The following STIM1 variants were observed in gnomAD, a reference collection of about 807,000 sequenced individuals.
STIM1 encodes the protein stromal interaction molecule 1.
Under a neutral mutation model 74.7 loss-of-function variants are expected in STIM1, and 25 were observed. The observed-to-expected ratio is 0.33, with a 90% CI of 0.24 to 0.47. The LOEUF is 0.47. Among genes scored for constraint, STIM1 ranks in the 20% least tolerant of loss-of-function variants. The probability of loss-of-function intolerance (pLI) is 1.00; values close to 1 mark genes in which losing one functional copy is unlikely to be tolerated. For missense variants in STIM1, 728 were observed against 920.8 expected (o/e 0.79, Z 2.71); for synonymous variants, 328 against 348.8 (o/e 0.94, Z 0.66).
intron 2 of STIM1, among the ~76,000 whole-genome samples, chr11:4,021,469 G>T (rs1050650662): frequency 6.6e-6 from 1 of 152,142 alleles, no homozygotes; most frequent in African/African-American, 2.4e-5. Context: ...CTCAGTGTTT[G>T]TTCATGCATT....
chr11:4,014,480 A>G (rs2093875536), intron 2 of STIM1, among the ~76,000 whole-genome samples: 1 of 152,222 alleles, frequency 6.6e-6, no homozygotes, highest in Non-Finnish European at 1.5e-5. Context: ...GTATGTGGTC[A>G]ATTTTAGAAT....
chr11:3,895,642 C>CTT (rs2092056139), intron 1 of STIM1, among the ~76,000 whole-genome samples: 1 of 9,006 alleles, frequency 1.1e-4, no homozygotes. Context: ...TTCTTTCTTT[C>CTT]TTTCTTTCTT....
At chr11:3,872,798 G>A (rs544903748) in intron 1 of STIM1, among the ~76,000 whole-genome samples, 1 of 152,040 alleles carries the variant, frequency 6.6e-6, no homozygotes, top group African/African-American at 2.4e-5. Context: ...TAGGATTACA[G>A]GCGTGAGCCA....
intron 2 of STIM1, among the ~76,000 whole-genome samples, chr11:3,971,193 TAGTG>T (rs2093389250): frequency 6.9e-6 from 1 of 144,674 alleles, no homozygotes; most frequent in Non-Finnish European, 1.5e-5. Context: ...CTAGTCAACA[TAGTG>T]AGACCTTGTC....
intron 2 of STIM1, among the ~76,000 whole-genome samples, chr11:4,021,133 A>ATGG (rs71466145): frequency 8.6e-5 from 13 of 151,308 alleles, no homozygotes; most frequent in South Asian, 4.2e-4. Context: ...TTTGTTGCCT[A>ATGG]TGGTGGTGGT....
intron 2 of STIM1, among the ~76,000 whole-genome samples, chr11:3,970,286 C>T (rs2093379972): frequency 6.6e-6 from 1 of 152,188 alleles, no homozygotes; most frequent in South Asian, 2.1e-4. Flanking sequence ...GTTTCCACTG[C>T]TCTCCCTGCA....
At chr11:3,956,376 A>G (rs570074024) in intron 1 of STIM1, among the ~76,000 whole-genome samples, 6 of 152,150 alleles carry the variant, frequency 3.9e-5, no homozygotes, top group Admixed American at 3.9e-4. Context: ...AAGGCTTCTG[A>G]CATAAGCACC....
At chr11:4,067,883 A>C (rs971294518) in intron 5 of STIM1, among the ~76,000 whole-genome samples, 1 of 152,208 alleles carries the variant, frequency 6.6e-6, no homozygotes, top group South Asian at 2.1e-4. Context: ...GGTTGATGTT[A>C]TGCTGTGCAC....
At chr11:3,857,108 GTT>G (rs34961672) in intron 1 of STIM1, among the ~76,000 whole-genome samples, 1 of 104,038 alleles carries the variant, frequency 9.6e-6, no homozygotes, top group African/African-American at 3.4e-5. Flanking sequence ...TTTTTTTTTT[GTT>G]TTTTTTTTTT....
chr11:4,045,492 C>T (rs1332159805), intron 3 of STIM1, among the ~76,000 whole-genome samples: 1 of 151,912 alleles, frequency 6.6e-6, no homozygotes, highest in Non-Finnish European at 1.5e-5. Context: ...CTCTGTCACC[C>T]AGGCTGGAGT....
At chr11:3,908,171 T>C (rs1268675453) in intron 1 of STIM1, among the ~76,000 whole-genome samples, 1 of 152,266 alleles carries the variant, frequency 6.6e-6, no homozygotes, top group African/African-American at 2.4e-5. Context: ...TAGCATATAC[T>C]TAGTAAATAT....
At chr11:4,016,396 T>G (rs1180753064) in intron 2 of STIM1, among the ~76,000 whole-genome samples, 1 of 152,210 alleles carries the variant, frequency 6.6e-6, no homozygotes, top group Non-Finnish European at 1.5e-5. Context: ...CAGCAAATGT[T>G]GCTGCCTGAT....
At chr11:3,868,175 C>G (rs2090938563) in intron 1 of STIM1, 1 of 118,378 alleles carries the variant, frequency 8.4e-6, no homozygotes, top group Non-Finnish European at 1.7e-5. Flanking sequence ...GGTCTTGTTT[C>G]AAGAAACTTT....
chr11:3,876,040 C>T (rs568465398), intron 1 of STIM1, among the ~76,000 whole-genome samples: 1 of 152,262 alleles, frequency 6.6e-6, no homozygotes, highest in African/African-American at 2.4e-5. Context: ...TGCTGTGGCT[C>T]AGTTCCTCTA....
chr11:4,081,740 C>T lies in STIM1; in HGVS notation c.970-444C>T, dbSNP rs532956766. 1.2e-4 allele frequency among the ~76,000 whole-genome samples: 18 copies of T among 152,296 alleles called. No homozygotes were observed. In the East Asian group the frequency reaches 2.5e-3, roughly 21 times the overall value. On this transcript the variant is annotated intron_variant, in intron 7 of 12. Coordinates refer to ENST00000526596, the MANE Select transcript of STIM1 (RefSeq NM_001382567.1). ...GCACAGGGTCACACAACCAGTTAAGCGACAGACCAGGGACCAGAACTAGAT... is the reference window on the plus strand; with the variant it reads ...GCACAGGGTCACACAACCAGTTAAGTGACAGACCAGGGACCAGAACTAGAT...
Position 4,001,750 on chromosome 11 carries a change from T to A in STIM1, c.271-22123T>A, listed in dbSNP as rs576096628. On this transcript the variant is annotated intron_variant, in intron 2 of 12. Coordinates refer to ENST00000526596, the MANE Select transcript of STIM1 (RefSeq NM_001382567.1). ...CACACATAACAATATTAACTTTAAA[T>A]GTAAATGGACTAAATGCTCCAATTA... is the stretch of plus-strand genomic sequence containing the variant. 9.8e-4 allele frequency among the ~76,000 whole-genome samples: 148 copies of A among 150,256 alleles called. 1 individual carries two copies. Among genetic ancestry groups the A allele is most frequent in the African/African-American group, 3.4e-3 (140 of 40,914 alleles).
intron 3 of STIM1, among the ~76,000 whole-genome samples, chr11:4,054,349 A>G (rs960377968): frequency 6.6e-6 from 1 of 152,094 alleles, no homozygotes; most frequent in African/African-American, 2.4e-5. Context: ...CATGGCTTCA[A>G]CCTTCTTCTG....
intron 1 of STIM1, among the ~76,000 whole-genome samples, chr11:3,919,332 A>C (rs1306940707): frequency 6.6e-6 from 1 of 152,088 alleles, no homozygotes; most frequent in Non-Finnish European, 1.5e-5. Context: ...CAGCCTCCCG[A>C]GTAGCTGGGA....
chr11:4,019,631 A>T (rs963646436), intron 2 of STIM1, among the ~76,000 whole-genome samples: 1 of 152,138 alleles, frequency 6.6e-6, no homozygotes, highest in African/African-American at 2.4e-5. Flanking sequence ...CTCAAAAACA[A>T]CAACAACAAA....
Sources: gnomAD v4.1 joint callset for allele counts (sites outside exome capture counted in the v4.1 genomes callset) on GRCh38, gnomAD v4.1.1 for gene constraint, MANE v1.5 for transcripts, NCBI Gene and HGNC (gene_info 2026-07-23, HGNC 2026-07-21) for gene names.